Variants in ZSCAN18 observed in about 807,000 individuals in gnomAD.
ZSCAN18 encodes the protein zinc finger and SCAN domain-containing protein 18.
In ZSCAN18, 16 loss-of-function variants were observed where a neutral mutation model predicts 31.1. The observed-to-expected ratio is 0.51, with a 90% confidence interval of 0.35 to 0.78. The LOEUF is 0.78. ZSCAN18 is among the 30% of genes least tolerant of loss of function. The pLI, the probability that ZSCAN18 is intolerant of heterozygous loss-of-function variation, is 0.01. For missense variants in ZSCAN18, 731 were observed against 697.4 expected (o/e 1.05, Z -0.54); for synonymous variants, 375 against 320.7 (o/e 1.17, Z -1.81).
upstream of ZSCAN18, among the ~76,000 whole-genome samples, chr19:58,100,479 A>G (rs1308028253): frequency 6.6e-6 from 1 of 152,150 alleles, no homozygotes; most frequent in East Asian, 1.9e-4. Flanking sequence ...GAAGATATCT[A>G]TGGGTCCCAC....
chr19:58,102,784 T>C (rs75322817), upstream of ZSCAN18, among the ~76,000 whole-genome samples: 1,394 of 152,310 alleles, frequency 9.2e-3, 19 homozygotes, highest in African/African-American at 0.031. Flanking sequence ...ATTACTCTTA[T>C]TTCATTGATT....
chr19:58,114,623 C>A lies in ZSCAN18; in HGVS notation c.130+3644G>T, dbSNP rs958227957. The stretch of plus-strand genomic sequence containing the variant: ...ATACATGTATACACACATATGCCCC[C>A]AAATATATAAACAAGTATGTATATA... On this transcript the variant is annotated intron_variant, in intron 1 of 1. Transcript: ENST00000595721. Among the ~76,000 whole-genome samples, 3 of 151,966 alleles carry A rather than the reference C, an allele frequency of 2.0e-5. No individual in the cohort carries two copies. The East Asian group carries it at 5.8e-4, about 29-fold the overall frequency.
rs150846522 is a variant in ZSCAN18 at position 58,084,971 on chromosome 19, C to T, written c.1247G>A (p.Gly416Asp). 2.5e-3 allele frequency: 4,007 copies of T among 1,600,030 alleles called. 6 individuals are homozygous for T. Among genetic ancestry groups the T allele is most frequent in the Admixed American group, 4.1e-3 (240 of 58,092 alleles). The change falls in exon 7 of 7, where the codon GGC becomes GAC. Residue 416 changes from glycine (G) to aspartate (D), a missense_variant. This residue lies in a region of ZSCAN18 where 597 missense variants were observed against 499.5 expected (regional missense o/e 1.20). Coordinates refer to ENST00000601144, the MANE Select transcript of ZSCAN18 (RefSeq NM_001145543.2). This position sits in a 1 kb window ranked among gnomAD's most constrained non-coding sequence, Gnocchi z 4.5. ...GLSRGKPYACGECGEAFAWLS... is the reference protein window; with the variant it reads ...GLSRGKPYACDECGEAFAWLS... The stretch of plus-strand genomic sequence containing the variant: ...CCACGCGAAGGCCTCCCCGCACTCG[C>T]CGCAGGCATAGGGCTTCCCGCGGGA...
chr19:58,098,132 T>C, intron 1 of ZSCAN18, 42 bp downstream of exon 1: 2 of 985,338 alleles, frequency 2.0e-6, no homozygotes, highest in Non-Finnish European at 2.4e-6. Flanking sequence ...CCTGTTGGGG[T>C]CGCTCTCTGA....
intron 6 of ZSCAN18, 123 bp from the exon 7 acceptor site, chr19:58,085,502 C>G: frequency 1.1e-6 from 1 of 874,124 alleles, no homozygotes; most frequent in Non-Finnish European, 1.7e-6. Flanking sequence ...CCGCGGGGCT[C>G]ACGGCTGTTT....
In ZSCAN18 at chr19:58,088,801, A is replaced by G; in HGVS notation, c.440T>C (p.Ile147Thr). 1 of 1,613,026 alleles carries G rather than the reference A, an allele frequency of 6.2e-7. No individual in the cohort carries two copies. The highest frequency in any genetic ancestry group is 1.1e-5 in the South Asian group (1 of 91,088). ...LLGSPAGSSS[I>T]LSDGVYERHM... ...CCTCTCGTACACTCCATCGCTAAGAATTGAGGATGAGCCCGCAGGGGAGCC... is the reference window on the plus strand; with the variant it reads ...CCTCTCGTACACTCCATCGCTAAGAGTTGAGGATGAGCCCGCAGGGGAGCC... The change falls in exon 3 of 7, where the codon ATT becomes ACT. Residue 147 changes from isoleucine (I) to threonine (T), a missense_variant. Physicochemically the swap from Ile to Thr is moderately conservative, Grantham distance 89 (BLOSUM62 -1). This residue lies in a region of ZSCAN18 where 46 missense variants were observed against 60.6 expected (regional missense o/e 0.76). Coordinates refer to ENST00000601144, the MANE Select transcript of ZSCAN18 (RefSeq NM_001145543.2).
chr19:58,102,167 C>T (rs1235294610), upstream of ZSCAN18, among the ~76,000 whole-genome samples: 1 of 151,916 alleles, frequency 6.6e-6, no homozygotes, highest in African/African-American at 2.4e-5. Flanking sequence ...CTAAAAAACC[C>T]CATATACTCA....
Position 58,084,580 on chromosome 19 carries a change from A to C in ZSCAN18, c.*105T>G, listed in dbSNP as rs1395089285. 3 of 1,184,718 alleles carry C rather than the reference A, an allele frequency of 2.5e-6. No homozygotes were observed. Among genetic ancestry groups the C allele is most frequent in the South Asian group, 1.8e-5 (1 of 56,652 alleles). 73.4% of individuals were successfully genotyped at this position (1,184,718 alleles called of 1,614,324 possible). A position where few individuals can be genotyped will look rare whatever the true frequency, so the allele number is the denominator to read the frequency against. ...CAGGGCACAGGCAGAGGACGTCCACAAACACCACAGGAAGCCGCCACCCAG... is the reference window on the plus strand; with the variant it reads ...CAGGGCACAGGCAGAGGACGTCCACCAACACCACAGGAAGCCGCCACCCAG... On this transcript the variant is annotated 3_prime_UTR_variant, in exon 7 of 7. Coordinates refer to ENST00000601144, the MANE Select transcript of ZSCAN18 (RefSeq NM_001145543.2). This position sits in a 1 kb window ranked among gnomAD's most constrained non-coding sequence, Gnocchi z 4.5.
upstream of ZSCAN18, among the ~76,000 whole-genome samples, chr19:58,098,737 G>C (rs2074566893): frequency 1.3e-5 from 2 of 152,210 alleles, no homozygotes; most frequent in Non-Finnish European, 1.5e-5. Flanking sequence ...CTCAGGAAAA[G>C]AGAGAGACCC....
intron 1 of ZSCAN18, among the ~76,000 whole-genome samples, chr19:58,109,943 T>C (rs775806533): frequency 2.6e-5 from 4 of 152,208 alleles, no homozygotes; most frequent in Non-Finnish European, 5.9e-5. Context: ...GGACAGGTTC[T>C]GGTTATGTTG....
intron 4 of ZSCAN18, 98 bp downstream of exon 4, chr19:58,087,218 T>G: frequency 7.6e-7 from 1 of 1,311,788 alleles, no homozygotes; most frequent in Non-Finnish European, 1.1e-6. Flanking sequence ...GCTGTGGACG[T>G]TTGGGGCCAC....
At chr19:58,112,389 G>A (rs955631212) in intron 1 of ZSCAN18, among the ~76,000 whole-genome samples, 3 of 152,148 alleles carry the variant, frequency 2.0e-5, no homozygotes, top group African/African-American at 4.8e-5. Context: ...GGTGGCTCAC[G>A]CCTGTAATCT....
In ZSCAN18 at chr19:58,085,186, G is replaced by A. The variant is rs963516658; in HGVS notation, c.1032C>T (p.Asp344=). ...DPQDPQDAES[D]SATGSQRQSV... ...ACTGCCTCTGCGATCCGGTGGCAGA[G>A]TCGGACTCCGCGTCCTGGGGGTCCT... The change falls in exon 7 of 7, where the codon GAC becomes GAT. Residue 344 remains aspartate (D), a synonymous_variant. Transcript: ENST00000601144. 5 of 1,610,248 alleles carry A rather than the reference G, an allele frequency of 3.1e-6. No individual in the cohort carries two copies. In the African/African-American group the frequency reaches 5.3e-5, roughly 17 times the overall value.
chr19:58,091,622 C>T (rs2145988818), intron 1 of ZSCAN18, among the ~76,000 whole-genome samples: 1 of 152,258 alleles, frequency 6.6e-6, no homozygotes, highest in Non-Finnish European at 1.5e-5. Flanking sequence ...TGAATCCCCA[C>T]ATACAGGGCA....
At chr19:58,088,496 A>G (rs1816355817) in intron 3 of ZSCAN18, 192 bp downstream of exon 3, 1 of 576,726 alleles carries the variant, frequency 1.7e-6, no homozygotes, top group African/African-American at 1.9e-5. Flanking sequence ...GATGATCTGC[A>G]TAATCTCTGA....
At chr19:58,097,266 G>A (rs904040008) in intron 1 of ZSCAN18, among the ~76,000 whole-genome samples, 6 of 152,076 alleles carry the variant, frequency 3.9e-5, no homozygotes, top group African/African-American at 1.4e-4. Flanking sequence ...AGGAGAGGAA[G>A]GAGCAAGAGC....
At chr19:58,107,873 C>G in intron 1 of ZSCAN18, 1 of 1,059,098 alleles carries the variant, frequency 9.4e-7, no homozygotes, top group Non-Finnish European at 1.2e-6. Context: ...CCTTCTTGTG[C>G]TTGGTCAGAC....
upstream of ZSCAN18, among the ~76,000 whole-genome samples, chr19:58,101,125 C>CTTT (rs71188077): frequency 1.6e-4 from 21 of 127,326 alleles, no homozygotes; most frequent in East Asian, 4.6e-4. Flanking sequence ...ATTCCTCCCA[C>CTTT]TTTTTTTTTT....
chr19:58,096,860 G>C (rs1355962371), intron 1 of ZSCAN18, among the ~76,000 whole-genome samples: 1 of 152,142 alleles, frequency 6.6e-6, no homozygotes, highest in Non-Finnish European at 1.5e-5. Context: ...ATGGAGTAAG[G>C]GTCGTCGTTC....
Sources: allele counts gnomAD v4.1 joint callset (sites outside exome capture counted in the v4.1 genomes callset), GRCh38; gene constraint gnomAD v4.1.1; regional missense constraint gnomAD v4.1.1; non-coding constraint Gnocchi (gnomAD v3.1); transcripts MANE v1.5; gene names NCBI Gene and HGNC (gene_info 2026-07-23, HGNC 2026-07-21).